Variants in NLGN1 observed in about 807,000 individuals in gnomAD.
The protein encoded by NLGN1 is neuroligin-1.
In NLGN1, 12 loss-of-function variants were observed where a neutral mutation model predicts 65.5. The ratio of observed to expected loss-of-function variants is 0.18; its 90% confidence interval spans 0.12 to 0.30. NLGN1 has a LOEUF of 0.30. Ranked by LOEUF, NLGN1 falls within the 10% of genes least tolerant of loss-of-function variation. The pLI is 1.00. For synonymous variants in NLGN1, 350 were observed against 359.5 expected (o/e 0.97, Z 0.30); for missense variants, 750 against 1,007.1 (o/e 0.74, Z 3.46).
chr3:174,001,191 A>G (rs1295725864), intron 4 of NLGN1, among the ~76,000 whole-genome samples: 1 of 152,178 alleles, frequency 6.6e-6, no homozygotes, highest in African/African-American at 2.4e-5. Flanking sequence ...TTGAATTGCA[A>G]AGCTAAAATT....
At chr3:173,998,474 C>T (rs1482876214) in intron 4 of NLGN1, among the ~76,000 whole-genome samples, 2 of 152,144 alleles carry the variant, frequency 1.3e-5, no homozygotes, top group Non-Finnish European at 2.9e-5. Context: ...TAAAATGTAC[C>T]TTCAATGTCA....
intron 1 of NLGN1, among the ~76,000 whole-genome samples, chr3:173,413,603 A>AAT (rs1378140173): frequency 2.0e-5 from 3 of 151,870 alleles, no homozygotes; most frequent in African/African-American, 7.3e-5. Flanking sequence ...CCATCTCAAA[A>AAT]ATAAAATTAA....
intron 4 of NLGN1, among the ~76,000 whole-genome samples, chr3:174,151,018 A>T (rs1017714676): frequency 4.7e-5 from 6 of 128,390 alleles, no homozygotes; most frequent in African/African-American, 2.2e-4. Context: ...TATCTGGTTC[A>T]TAGACTTTTT....
intron 4 of NLGN1, among the ~76,000 whole-genome samples, chr3:174,209,962 C>A (rs915127386): frequency 1.3e-5 from 2 of 152,034 alleles, no homozygotes; most frequent in Non-Finnish European, 2.9e-5. Flanking sequence ...CATCCTCTAT[C>A]ACCCTCATCC....
chr3:173,592,585 A>G (rs952856843), intron 2 of NLGN1, among the ~76,000 whole-genome samples: 4 of 152,180 alleles, frequency 2.6e-5, no homozygotes, highest in Non-Finnish European at 4.4e-5. Context: ...TGCAAGTTTA[A>G]TTAAGCTAAA....
At chr3:173,876,256 A>G (rs764405157) in intron 4 of NLGN1, among the ~76,000 whole-genome samples, 5 of 152,136 alleles carry the variant, frequency 3.3e-5, no homozygotes, top group Non-Finnish European at 7.4e-5. Context: ...GGAACAGGTC[A>G]ATTAGCTTTT....
intron 4 of NLGN1, among the ~76,000 whole-genome samples, chr3:174,265,516 C>T (rs147399824): frequency 0.037 from 5,555 of 152,046 alleles, 141 homozygotes; most frequent in Non-Finnish European, 0.056. Context: ...CCAAGTGAGG[C>T]AATGCCTCGC....
At chr3:173,667,923 G>A (rs1299381573) in intron 3 of NLGN1, among the ~76,000 whole-genome samples, 1 of 152,102 alleles carries the variant, frequency 6.6e-6, no homozygotes, top group African/African-American at 2.4e-5. Flanking sequence ...GAGCCACCAT[G>A]CCAGACCCCA....
At chr3:174,001,557 A>G (rs915961378) in intron 4 of NLGN1, among the ~76,000 whole-genome samples, 2 of 152,178 alleles carry the variant, frequency 1.3e-5, no homozygotes, top group African/African-American at 2.4e-5. Context: ...GTAGGGGTTA[A>G]GAGGATAGTC....
At chr3:173,795,647 G>A (rs1713878593) in intron 3 of NLGN1, among the ~76,000 whole-genome samples, 1 of 151,992 alleles carries the variant, frequency 6.6e-6, no homozygotes, top group African/African-American at 2.4e-5. Context: ...ATGTTTGTCA[G>A]GTTGAAAAAG....
intron 4 of NLGN1, among the ~76,000 whole-genome samples, chr3:174,083,710 CA>C (rs1742700707): frequency 6.6e-6 from 1 of 152,098 alleles, no homozygotes; most frequent in African/African-American, 2.4e-5. Context: ...AGCTCTCACT[CA>C]GAGAATTTCT....
chr3:174,215,780 C>T (rs1403699435), intron 4 of NLGN1, among the ~76,000 whole-genome samples: 1 of 152,104 alleles, frequency 6.6e-6, no homozygotes, highest in Admixed American at 6.5e-5. Context: ...CAGTGTGTTG[C>T]CAATGAATAT....
intron 4 of NLGN1, among the ~76,000 whole-genome samples, chr3:173,981,238 A>G (rs1253220274): frequency 6.6e-6 from 1 of 152,164 alleles, no homozygotes; most frequent in African/African-American, 2.4e-5. Flanking sequence ...GTGCTTAACA[A>G]TATTCAGCTA....
At chr3:173,531,901 C>G (rs1468796551) in intron 2 of NLGN1, among the ~76,000 whole-genome samples, 1 of 152,098 alleles carries the variant, frequency 6.6e-6, no homozygotes, top group African/African-American at 2.4e-5. Flanking sequence ...TACACAGACC[C>G]ACAAATGGCT....
intron 2 of NLGN1, among the ~76,000 whole-genome samples, chr3:173,555,692 A>G (rs1741598182): frequency 6.6e-6 from 1 of 152,164 alleles, no homozygotes; most frequent in Admixed American, 6.5e-5. Flanking sequence ...CATGTTGCCT[A>G]GCCTGGTCTC....
intron 2 of NLGN1, among the ~76,000 whole-genome samples, chr3:173,533,664 CG>C (rs1736970890): frequency 6.6e-6 from 1 of 151,964 alleles, no homozygotes; most frequent in African/African-American, 2.4e-5. Flanking sequence ...GATACAATTA[CG>C]TATAGAAGCA....
chr3:173,702,977 T>C (rs1426240486), intron 3 of NLGN1, among the ~76,000 whole-genome samples: 2 of 152,126 alleles, frequency 1.3e-5, no homozygotes, highest in East Asian at 3.8e-4. Context: ...CAACAGAAAA[T>C]GAGATCTTCC....
intron 2 of NLGN1, among the ~76,000 whole-genome samples, chr3:173,507,379 A>G (rs1256800010): frequency 4.6e-5 from 7 of 152,160 alleles, no homozygotes; most frequent in Admixed American, 3.3e-4. Context: ...TAGCACAATT[A>G]GCTCTCTCTT....
In NLGN1 at chr3:174,146,873, G is replaced by T. The variant is rs1462927965; in HGVS notation, c.647-128442G>T. On this transcript the variant is annotated intron_variant, in intron 4 of 6. Transcript: ENST00000457714. ...GTGAGCCACTGCGCCGGGCTGACAT[G>T]AATCTTAATTACAAAGTAGACCTTT... 3.3e-5 allele frequency among the ~76,000 whole-genome samples: 5 copies of T among 152,188 alleles called. No homozygotes were observed. The East Asian group carries it at 9.7e-4, about 29-fold the overall frequency.
Sources: allele counts gnomAD v4.1 joint callset (sites outside exome capture counted in the v4.1 genomes callset), GRCh38; gene constraint gnomAD v4.1.1; transcripts MANE v1.5; gene names NCBI Gene and HGNC (gene_info 2026-07-23, HGNC 2026-07-21).